Variants in HOMER2 observed in about 807,000 individuals in gnomAD.
HOMER2 encodes the protein homer protein homolog 2.
Under a neutral mutation model 47.0 loss-of-function variants are expected in HOMER2, and 27 were observed. The ratio of observed to expected loss-of-function variants is 0.57; its 90% CI spans 0.42 to 0.79. The LOEUF is 0.79. HOMER2 is among the 30% of genes least tolerant of loss of function. The pLI, the probability that HOMER2 is intolerant of heterozygous loss-of-function variation, is 0.00. For synonymous variants in HOMER2, 161 were observed against 163.8 expected, an observed-to-expected ratio of 0.98 and a Z score of 0.13; for missense variants, 443 against 435.0, an observed-to-expected ratio of 1.02 and a Z score of -0.16.
In HOMER2 at chr15:82,857,966, G is replaced by C. The variant is rs941457954; in HGVS notation, c.494+1063C>G. The stretch of plus-strand genomic sequence containing the variant: ...AAAATCTTACTGATATCATTATGGG[G>C]ATTGTGTTACATTTATAGATCAATT... On this transcript the variant is annotated intron_variant, in intron 5 of 8. Coordinates refer to ENST00000450735, the MANE Select transcript of HOMER2 (RefSeq NM_004839.4). Among the ~76,000 whole-genome samples the C allele has an allele frequency of 2.0e-5, 3 of 152,200 alleles. No homozygotes were observed. The South Asian group carries it at 6.2e-4, about 31-fold the overall frequency.
chr15:82,874,953 C>T (rs1369721997), intron 3 of HOMER2, among the ~76,000 whole-genome samples: 1 of 152,128 alleles, frequency 6.6e-6, no homozygotes, highest in Admixed American at 6.5e-5. Context: ...GCACACAAGC[C>T]AGCGCTCAGT....
intron 4 of HOMER2, among the ~76,000 whole-genome samples, chr15:82,861,897 T>C (rs2928572): frequency 0.79 from 120,570 of 151,946 alleles, 47,867 homozygotes; most frequent in East Asian, 0.93. Context: ...GTAATCCCAG[T>C]TAGAGAGGCT....
intron 1 of HOMER2, among the ~76,000 whole-genome samples, chr15:82,901,201 CTGGA>C (rs1448558155): frequency 1.3e-5 from 2 of 152,114 alleles, no homozygotes; most frequent in African/African-American, 4.8e-5. Context: ...TCCAAAAGGG[CTGGA>C]TGGGCCCAGG....
chr15:82,854,458 G>A lies in HOMER2; in HGVS notation c.651+186C>T, dbSNP rs150896208. 2.4e-4 allele frequency among the ~76,000 whole-genome samples: 36 copies of A among 152,182 alleles called. 1 individual carries two copies. Among genetic ancestry groups the A allele is most frequent in the Admixed American group, 7.2e-4 (11 of 15,288 alleles). ...AAAAGGTAATGAGTCAATTATGTAC[G>A]TGGTTAAATTCCTACTAAGAAAGGC... On this transcript the variant is annotated intron_variant, in intron 6 of 8. Coordinates refer to ENST00000450735, the MANE Select transcript of HOMER2 (RefSeq NM_004839.4).
At chr15:82,868,541 A>ATATATATATATATATTTTTT in intron 3 of HOMER2, among the ~76,000 whole-genome samples, 4 of 71,288 alleles carry the variant, frequency 5.6e-5, no homozygotes, top group Non-Finnish European at 8.5e-5. Flanking sequence ...ATATATATAT[A>ATATATATATATATATTTTTT]TTTTTTTTTT....
At chr15:82,880,894 C>T (rs1454281236) in intron 2 of HOMER2, among the ~76,000 whole-genome samples, 11 of 152,162 alleles carry the variant, frequency 7.2e-5, no homozygotes, top group Admixed American at 6.5e-4. Context: ...AGGTGGCCAG[C>T]AACCAAGGAA....
intron 1 of HOMER2, among the ~76,000 whole-genome samples, chr15:82,983,120 T>C (rs977116400): frequency 6.6e-6 from 1 of 152,200 alleles, no homozygotes; most frequent in Non-Finnish European, 1.5e-5. Context: ...CATTAGCCTA[T>C]AGTTGGGCAA....
At chr15:82,951,214 C>A (rs8031595) in intron 1 of HOMER2, among the ~76,000 whole-genome samples, 7,103 of 152,214 alleles carry the variant, frequency 0.047, 326 homozygotes, top group African/African-American at 0.12. Flanking sequence ...AATGTAAGCA[C>A]ACTTCTTCAG....
At chr15:82,901,355 T>C (rs761775519) in intron 1 of HOMER2, among the ~76,000 whole-genome samples, 3 of 151,982 alleles carry the variant, frequency 2.0e-5, no homozygotes, top group Non-Finnish European at 2.9e-5. Context: ...TAGGTAAACA[T>C]TACGGCGGCA....
chr15:82,921,195 C>T (rs1402793069), intron 1 of HOMER2, among the ~76,000 whole-genome samples: 1 of 152,052 alleles, frequency 6.6e-6, no homozygotes, highest in African/African-American at 2.4e-5. Flanking sequence ...AGCTGAGGCA[C>T]GAAAATCACT....
chr15:82,861,970 C>T (rs1342198456), intron 4 of HOMER2, among the ~76,000 whole-genome samples: 1 of 152,120 alleles, frequency 6.6e-6, no homozygotes, highest in Non-Finnish European at 1.5e-5. Context: ...TTGCAGTGAG[C>T]AGAGGTTGCA....
chr15:82,911,763 G>A lies in HOMER2; in HGVS notation c.6-18922C>T, dbSNP rs184177252. Among the ~76,000 whole-genome samples the A allele has an allele frequency of 1.1e-3, 169 of 152,316 alleles. 1 individual carries two copies. Among genetic ancestry groups the A allele is most frequent in the South Asian group, 2.9e-3 (14 of 4,832 alleles). ...TTAAATTTCACGGCCGGGTGAGGTG[G>A]TTCACACCTGTAATTCCAGCACTTT... On this transcript the variant is annotated intron_variant, in intron 1 of 8. Transcript: ENST00000450735.
intron 2 of HOMER2, among the ~76,000 whole-genome samples, chr15:82,875,907 T>C (rs1263110998): frequency 3.3e-5 from 5 of 152,132 alleles, no homozygotes; most frequent in Non-Finnish European, 5.9e-5. Flanking sequence ...TTAGGATAAT[T>C]TGTGGAGGGT....
chr15:82,951,581 G>T (rs2054506978), intron 1 of HOMER2, among the ~76,000 whole-genome samples: 1 of 152,234 alleles, frequency 6.6e-6, no homozygotes, highest in Non-Finnish European at 1.5e-5. Flanking sequence ...AAGGGCTGTT[G>T]GAAGAATGCT....
At chr15:82,874,077 A>G (rs562129546) in intron 3 of HOMER2, among the ~76,000 whole-genome samples, 3 of 152,306 alleles carry the variant, frequency 2.0e-5, no homozygotes, top group East Asian at 1.9e-4. Flanking sequence ...AACTCTGTCA[A>G]TTCCCCAAGA....
chr15:82,841,427 A>T (rs1334544207), exon 2 of HOMER2: 1 of 152,200 alleles, frequency 6.6e-6, no homozygotes, highest in Non-Finnish European at 1.5e-5. Flanking sequence ...TCATCAAACT[A>T]GAAATAGAGG....
chr15:82,953,715 T>TAC (rs1307249345), upstream of HOMER2, among the ~76,000 whole-genome samples: 1 of 151,896 alleles, frequency 6.6e-6, no homozygotes, highest in Non-Finnish European at 1.5e-5. Context: ...CTACTAAAAA[T>TAC]ACACACACAC....
chr15:82,945,202 G>C (rs1018219609), intron 1 of HOMER2, among the ~76,000 whole-genome samples: 10 of 130,126 alleles, frequency 7.7e-5, no homozygotes, highest in Non-Finnish European at 1.5e-4. Flanking sequence ...ACTGCTTTAA[G>C]AAATTGTTAA....
At chr15:82,878,487 C>T (rs961258087) in intron 2 of HOMER2, among the ~76,000 whole-genome samples, 1 of 152,212 alleles carries the variant, frequency 6.6e-6, no homozygotes, top group East Asian at 1.9e-4. Flanking sequence ...AGTCTATTTA[C>T]GATGGCTGGA....
Sources: allele counts gnomAD v4.1 joint callset (sites outside exome capture counted in the v4.1 genomes callset), GRCh38; gene constraint gnomAD v4.1.1; transcripts MANE v1.5; gene names NCBI Gene and HGNC (gene_info 2026-07-23, HGNC 2026-07-21).